FRMPD3: variants seen among roughly 807,000 people sequenced by gnomAD.
The protein encoded by FRMPD3 is FERM and PDZ domain containing 3.
A neutral mutation model predicts 97.9 loss-of-function variants in FRMPD3; 42 were observed. That is an observed-to-expected ratio of 0.43 (90% CI 0.34 to 0.55). FRMPD3 has a LOEUF of 0.55. FRMPD3 is among the 20% of genes least tolerant of loss of function. FRMPD3 has a pLI of 0.03. For missense variants in FRMPD3, 1,303 were observed against 1,457.7 expected, an observed-to-expected ratio of 0.89 and a Z score of 1.73; for synonymous variants, 577 against 581.1, an observed-to-expected ratio of 0.99 and a Z score of 0.10.
intron 1 of FRMPD3, among the ~76,000 whole-genome samples, chrX:107,486,370 A>T (rs1210399609): frequency 8.9e-6 from 1 of 112,734 alleles, no homozygotes; most frequent in African/African-American, 3.2e-5. Flanking sequence ...CTTTGCCAAG[A>T]TCCCTGAAAA....
At chrX:107,555,303 T>G (rs186373582) in intron 8 of FRMPD3, 1 of 111,924 alleles carries the variant, frequency 8.9e-6, no homozygotes, top group Non-Finnish European at 1.9e-5. Flanking sequence ...CAGGAAGCAG[T>G]GATCAAAGGC....
At chrX:107,539,917 G>C (rs750489269) in intron 4 of FRMPD3, among the ~76,000 whole-genome samples, 20 of 110,898 alleles carry the variant, frequency 1.8e-4, no homozygotes, top group Non-Finnish European at 3.0e-4. Flanking sequence ...TGAGGATAAA[G>C]GTAGAGTTTG....
chrX:107,469,961 C>T (rs1215626544), intron 1 of FRMPD3, among the ~76,000 whole-genome samples: 3 of 111,804 alleles, frequency 2.7e-5, no homozygotes, highest in South Asian at 7.6e-4. Context: ...TGCAAAGTAA[C>T]GGTGGACACT....
At chrX:107,472,111 CT>C (rs1364215575) in intron 1 of FRMPD3, among the ~76,000 whole-genome samples, 12 of 112,063 alleles carry the variant, frequency 1.1e-4, no homozygotes, top group Non-Finnish European at 1.5e-4. Flanking sequence ...TGAAAAGTGT[CT>C]GTTCATATCC....
At chrX:107,462,019 C>G (rs941810385) in intron 1 of FRMPD3, among the ~76,000 whole-genome samples, 1 of 109,922 alleles carries the variant, frequency 9.1e-6, no homozygotes, top group African/African-American at 3.3e-5. Flanking sequence ...ATCGTATCCT[C>G]TAACCAACAA....
chrX:107,520,215 T>C (rs1360335844), intron 1 of FRMPD3, among the ~76,000 whole-genome samples: 4 of 110,991 alleles, frequency 3.6e-5, no homozygotes, highest in African/African-American at 1.3e-4. Context: ...GAGTCTCTAA[T>C]AGGTGAGCCG....
rs779633704 is a variant in FRMPD3, at chrX:107,526,691, G to A, written c.103G>A (p.Val35Met). 1.5e-4 allele frequency: 177 copies of A among 1,203,600 alleles called. 1 individual carries two copies. The highest frequency in any genetic ancestry group is 1.9e-4 in the Non-Finnish European group (169 of 892,796). ...AGACCCTATATATGGCTTTGGCTTC[G>A]TGGCTGGCAGTGAGAGGCCTGTGGT... ...HRDPIYGFGF[V>M]AGSERPVVVR... The change falls in exon 2 of 15, where the codon GTG becomes ATG. Residue 35 changes from valine to methionine, a missense_variant. By Grantham distance (21) the Val-to-Met change is conservative (BLOSUM62 1). Around this residue, in one of 3 missense-constraint regions of FRMPD3, gnomAD observed 535 missense variants for 618.6 expected, o/e 0.86. Coordinates refer to ENST00000683843, the MANE Select transcript of FRMPD3 (RefSeq NM_001388459.1).
chrX:107,463,755 C>T (rs1402383191), intron 1 of FRMPD3, among the ~76,000 whole-genome samples: 1 of 112,742 alleles, frequency 8.9e-6, no homozygotes, highest in African/African-American at 3.2e-5. Context: ...GCATTATCTC[C>T]AGAAGACCTC....
chrX:107,454,573 C>G (rs1001508536), intron 1 of FRMPD3, among the ~76,000 whole-genome samples: 4 of 111,716 alleles, frequency 3.6e-5, no homozygotes, highest in African/African-American at 1.3e-4. Flanking sequence ...ACTCCTGCCA[C>G]CACCTCACAG....
intron 1 of FRMPD3, among the ~76,000 whole-genome samples, chrX:107,489,202 A>T (rs1191980161): frequency 9.1e-6 from 1 of 109,344 alleles, no homozygotes; most frequent in Non-Finnish European, 1.9e-5. Context: ...TCCATGGTGT[A>T]TATGTGCCAC....
Position 107,601,017 on chromosome X carries a change from G to A in FRMPD3, c.2978G>A (p.Arg993Lys). 1 of 1,206,696 alleles carries A rather than the reference G, an allele frequency of 8.3e-7. No homozygotes were observed. The highest frequency in any genetic ancestry group is 1.1e-6 in the Non-Finnish European group (1 of 893,304). ...AGAAGGCTGGAGGCCAGCATGGGGA[G>A]GCCAGAGGTTAGCATGATGAGCAGC... is the stretch of plus-strand genomic sequence containing the variant. ...GERRLEASMGRPEVSMMSSSA... is the reference protein window; with the variant it reads ...GERRLEASMGKPEVSMMSSSA... The change falls in exon 15 of 15, where the codon AGG becomes AAG. Residue 993 changes from arginine (R) to lysine (K), a missense_variant. This residue lies in a region of FRMPD3 where 764 missense variants were observed against 820.2 expected (regional missense o/e 0.93). Coordinates refer to ENST00000683843, the MANE Select transcript of FRMPD3 (RefSeq NM_001388459.1).
Position 107,567,831 on chromosome X carries a change from A to G in FRMPD3, c.1296+2765A>G, listed in dbSNP as rs757717661. Reference sequence around the variant, plus strand: ...TGCAAGATGGGGGAGAGCAAAGCTAATGTCGAGCTAGGGCAGTGAGGAGGG... The same window carrying G: ...TGCAAGATGGGGGAGAGCAAAGCTAGTGTCGAGCTAGGGCAGTGAGGAGGG... On this transcript the variant is annotated intron_variant, in intron 12 of 14. Transcript: ENST00000683843. Among the ~76,000 whole-genome samples, 3 of 111,185 alleles carry G rather than the reference A, an allele frequency of 2.7e-5. No individual in the cohort carries two copies. The East Asian group carries it at 8.5e-4, about 31-fold the overall frequency.
intron 13 of FRMPD3, among the ~76,000 whole-genome samples, chrX:107,579,839 A>G (rs73522862): frequency 0.029 from 3,192 of 111,738 alleles, 99 homozygotes; most frequent in African/African-American, 0.098. Flanking sequence ...CCATGGTTAG[A>G]AAACAGTTTG....
In FRMPD3 at chrX:107,558,633, TAAA is replaced by T. The variant is rs1922209135; in HGVS notation, c.763-1620_763-1618del. Among the ~76,000 whole-genome samples, 4 of 111,927 alleles carry T rather than the reference TAAA, an allele frequency of 3.6e-5. No individual in the cohort carries two copies. In the South Asian group the frequency reaches 1.1e-3, roughly 31 times the overall value. ...ACAATAAAAAATAACAGTGCAATAA[TAAA>T]AAATACAAAATTTAAAAATATAATA... On this transcript the variant is annotated intron_variant, in intron 8 of 14. Coordinates refer to ENST00000683843, the MANE Select transcript of FRMPD3 (RefSeq NM_001388459.1).
rs1423677953 is a variant in FRMPD3, at chrX:107,523,462, C to T, written c.-7-3120C>T. Among the ~76,000 whole-genome samples, 4 of 112,104 alleles carry T rather than the reference C, an allele frequency of 3.6e-5. No individual in the cohort carries two copies. In the Admixed American group the frequency reaches 3.8e-4, roughly 11 times the overall value. On this transcript the variant is annotated intron_variant, in intron 1 of 14. Transcript: ENST00000683843. ...AGAGTTTGGTTCTTGCCTCTCTCCC[C>T]AACTCTGCCCTTTCTTGGCCAGTGA...
intron 4 of FRMPD3, among the ~76,000 whole-genome samples, chrX:107,537,801 T>C (rs1019800386): frequency 3.6e-5 from 4 of 111,714 alleles, no homozygotes; most frequent in African/African-American, 1.3e-4. Flanking sequence ...AGATTCCCTA[T>C]TTGCAAATTT....
chrX:107,538,481 T>C (rs1474066020), intron 4 of FRMPD3, among the ~76,000 whole-genome samples: 2 of 97,617 alleles, frequency 2.0e-5, no homozygotes, highest in Admixed American at 1.2e-4. Context: ...TGATTACCAC[T>C]ACTTCCAGAA....
At chrX:107,575,230 C>G (rs762160324) in intron 12 of FRMPD3, among the ~76,000 whole-genome samples, 1 of 111,955 alleles carries the variant, frequency 8.9e-6, no homozygotes, top group African/African-American at 3.2e-5. Context: ...TCTTTGTGGT[C>G]TAATAAATTC....
chrX:107,552,881 G>GA lies in FRMPD3; in HGVS notation c.599dup (p.Asn200LysfsTer50). ...TCCTTGAGTATGCCGGGCCAGAACA[G>GA]AATCACAAGTTTCTGCTTCTTCAGG... On this transcript the variant is annotated frameshift_variant, in exon 7 of 15. Coordinates refer to ENST00000683843, the MANE Select transcript of FRMPD3 (RefSeq NM_001388459.1). LOFTEE classifies it high-confidence loss of function. The GA allele has an allele frequency of 8.3e-7, 1 of 1,209,778 alleles. No homozygotes were observed. Among genetic ancestry groups the GA allele is most frequent in the Non-Finnish European group, 1.1e-6 (1 of 894,890 alleles).
Sources: allele counts gnomAD v4.1 joint callset (sites outside exome capture counted in the v4.1 genomes callset), GRCh38; gene constraint gnomAD v4.1.1; regional missense constraint gnomAD v4.1.1; transcripts MANE v1.5; gene names NCBI Gene and HGNC (gene_info 2026-07-23, HGNC 2026-07-21).